CCDC15: variants seen among roughly 807,000 people sequenced by gnomAD.
CCDC15 encodes the protein coiled-coil domain containing 15, also known as coiled-coil domain-containing protein 15.
Under a neutral mutation model 114.5 loss-of-function variants are expected in CCDC15, and 105 were observed. The observed-to-expected ratio is 0.92, with a 90% CI of 0.78 to 1.08. The LOEUF is 1.08. Among genes scored for constraint, CCDC15 ranks in the 50% least tolerant of loss-of-function variants. The pLI, the probability that CCDC15 is intolerant of heterozygous loss-of-function variation, is 0.00. For synonymous variants in CCDC15, 334 were observed against 377.8 expected, an observed-to-expected ratio of 0.88 and a Z score of 1.34; for missense variants, 1,105 against 1,093.6, an observed-to-expected ratio of 1.01 and a Z score of -0.15.
chr11:125,019,744 A>G (rs1337693698), intron 13 of CCDC15, among the ~76,000 whole-genome samples: 1 of 151,990 alleles, frequency 6.6e-6, no homozygotes, highest in East Asian at 1.9e-4. Context: ...GGTGACGAGA[A>G]TAAGTTTAGT....
At position 124,989,948 on chromosome 11, in the gene CCDC15, C is replaced by G. The variant is rs117683851; in HGVS notation, c.1909-1513C>G. Among the ~76,000 whole-genome samples the G allele has an allele frequency of 4.7e-3, 723 of 152,316 alleles. 6 individuals are homozygous for G. The highest frequency in any genetic ancestry group is 0.015 in the African/African-American group (621 of 41,566). ...ATTTTGCTTTCTTATCATGTATTCACTGGAGTAGATTTTAATTTCCTTCAA... is the reference window on the plus strand; with the variant it reads ...ATTTTGCTTTCTTATCATGTATTCAGTGGAGTAGATTTTAATTTCCTTCAA... On this transcript the variant is annotated intron_variant, in intron 8 of 15. Transcript: ENST00000344762.
chr11:125,025,386 T>C (rs1948694331), intron 13 of CCDC15, among the ~76,000 whole-genome samples: 1 of 151,768 alleles, frequency 6.6e-6, no homozygotes, highest in Non-Finnish European at 1.5e-5. Flanking sequence ...AAGATATTTG[T>C]CTAATATATT....
At chr11:125,037,108 T>G (rs1481081632) in intron 13 of CCDC15, among the ~76,000 whole-genome samples, 4 of 152,186 alleles carry the variant, frequency 2.6e-5, no homozygotes, top group African/African-American at 9.6e-5. Context: ...CCCAACGTTA[T>G]GAGTTTTACC....
chr11:124,960,274 C>T (rs1452391237), intron 4 of CCDC15, among the ~76,000 whole-genome samples: 3 of 23,224 alleles, frequency 1.3e-4, no homozygotes, highest in African/African-American at 3.5e-4. Context: ...TGCAGTGAGC[C>T]GAGATTGCGC....
At position 124,987,148 on chromosome 11, in the gene CCDC15, T is replaced by C. The variant is rs1263233343; in HGVS notation, c.922T>C (p.Leu308=). The C allele has an allele frequency of 6.6e-7, 1 of 1,511,862 alleles. No homozygotes were observed. Among genetic ancestry groups the C allele is most frequent in the East Asian group, 2.3e-5 (1 of 43,926 alleles). 93.7% of individuals were successfully genotyped at this position (1,511,862 alleles called of 1,614,324 possible). ...TTAGAAAGTAAAATTCAAAAATCCATTATTTGTTCTGATGGAAGAGGAAGA... is the reference window on the plus strand; with the variant it reads ...TTAGAAAGTAAAATTCAAAAATCCACTATTTGTTCTGATGGAAGAGGAAGA... The part of the protein sequence containing the change: ...RVQKVKFKNP[L]FVLMEEEEQK... The change falls in exon 8 of 16, where the codon TTA becomes CTA. Residue 308 remains leucine (L), a synonymous_variant. Coordinates refer to ENST00000344762, the MANE Select transcript of CCDC15 (RefSeq NM_025004.3).
chr11:125,040,922 T>TACGG lies in CCDC15; in HGVS notation c.*213_*216dup, dbSNP rs1321268572. The stretch of plus-strand genomic sequence containing the variant: ...CTTCTCTCTTCTGTCTTGTGAACCA[T>TACGG]ACGGAGCCTATTATTTTAAAATATG... On this transcript the variant is annotated 3_prime_UTR_variant, in exon 16 of 16. Transcript: ENST00000344762. 9.6e-6 allele frequency: 5 copies of TACGG among 519,442 alleles called. No individual in the cohort carries two copies. The Admixed American group carries it at 1.7e-4, about 17-fold the overall frequency. 32.2% of individuals were successfully genotyped at this position (519,442 alleles called of 1,614,324 possible). A position where few individuals can be genotyped will look rare whatever the true frequency, so the allele number is the denominator to read the frequency against.
intron 11 of CCDC15, among the ~76,000 whole-genome samples, chr11:124,998,361 T>C (rs1025959501): frequency 3.3e-5 from 5 of 152,186 alleles, no homozygotes; most frequent in Non-Finnish European, 5.9e-5. Flanking sequence ...TTTTTTGTTT[T>C]CTCAGTCTTC....
chr11:125,039,459 T>C (rs1316832877), intron 15 of CCDC15: 1 of 159,910 alleles, frequency 6.3e-6, no homozygotes, highest in East Asian at 1.8e-4. Context: ...CCACATTAGA[T>C]TGCTAGTTCT....
chr11:124,989,723 C>T (rs893457226), intron 8 of CCDC15, among the ~76,000 whole-genome samples: 2 of 152,188 alleles, frequency 1.3e-5, no homozygotes, highest in African/African-American at 4.8e-5. Context: ...GTTATAGAGA[C>T]ACCTTATTTC....
intron 13 of CCDC15, among the ~76,000 whole-genome samples, chr11:125,023,495 A>T (rs1458402176): frequency 6.6e-6 from 1 of 152,058 alleles, no homozygotes; most frequent in African/African-American, 2.4e-5. Context: ...GATTTAAATT[A>T]ACATTTCTCT....
At chr11:125,040,422 TTC>T (rs1681003951) in intron 15 of CCDC15, among the ~76,000 whole-genome samples, 166 bp from the exon 16 acceptor site, 1 of 152,228 alleles carries the variant, frequency 6.6e-6, no homozygotes, top group Non-Finnish European at 1.5e-5. Flanking sequence ...TTATTATTTT[TTC>T]TGTCCTCACA....
intron 15 of CCDC15, chr11:125,039,651 TA>T (rs1445997991): frequency 2.6e-5 from 4 of 152,228 alleles, no homozygotes; most frequent in Non-Finnish European, 5.9e-5. Context: ...ACTGCCAGTA[TA>T]TATATTCCTA....
chr11:125,006,648 T>C (rs1273348808), intron 13 of CCDC15, among the ~76,000 whole-genome samples: 1 of 152,232 alleles, frequency 6.6e-6, no homozygotes, highest in African/African-American at 2.4e-5. Context: ...TTTTGTAGTT[T>C]TGCATTTTAC....
At chr11:125,015,309 T>C (rs180983554) in intron 13 of CCDC15, among the ~76,000 whole-genome samples, 33 of 152,218 alleles carry the variant, frequency 2.2e-4, no homozygotes, top group African/African-American at 7.9e-4. Context: ...AAGTTGGTTC[T>C]TTTAAAAATT....
chr11:124,986,700 T>TGTGGGTGTGTGTGC, intron 6 of CCDC15, 42 bp from the exon 7 acceptor site: 1 of 1,351,590 alleles, frequency 7.4e-7, no homozygotes, highest in South Asian at 1.5e-5. Context: ...TTTGTGTGTG[T>TGTGGGTGTGTGTGC]GCGCGCGCGC....
chr11:125,038,613 A>G lies in CCDC15; in HGVS notation c.2585+9A>G. 1 of 1,543,464 alleles carries G rather than the reference A, an allele frequency of 6.5e-7. No homozygotes were observed. The highest frequency in any genetic ancestry group is 8.7e-7 in the Non-Finnish European group (1 of 1,148,714). On this transcript the variant is annotated intron_variant, in intron 14 of 15. Transcript: ENST00000344762. Reference sequence around the variant, plus strand: ...GAAAAAGAATACCTGAGGTAATTTGAAAAGGTCTTCATGATATTTTGGCTC... The same window carrying G: ...GAAAAAGAATACCTGAGGTAATTTGGAAAGGTCTTCATGATATTTTGGCTC...
At chr11:125,009,709 G>A (rs1004073549) in intron 13 of CCDC15, among the ~76,000 whole-genome samples, 2 of 152,044 alleles carry the variant, frequency 1.3e-5, no homozygotes, top group Non-Finnish European at 2.9e-5. Context: ...TTGTGTCTAC[G>A]TGTACCTAAA....
At chr11:124,981,701 C>G (rs903745455) in intron 6 of CCDC15, among the ~76,000 whole-genome samples, 3 of 152,150 alleles carry the variant, frequency 2.0e-5, no homozygotes, top group Non-Finnish European at 4.4e-5. Flanking sequence ...CTCACTGCAG[C>G]CTCTGCCTCC....
intron 6 of CCDC15, among the ~76,000 whole-genome samples, chr11:124,982,534 C>T (rs1215647071): frequency 6.6e-6 from 1 of 152,134 alleles, no homozygotes; most frequent in Non-Finnish European, 1.5e-5. Context: ...CTTATTTCTT[C>T]TTCACTTATG....
Sources: gnomAD v4.1 joint callset for allele counts (sites outside exome capture counted in the v4.1 genomes callset) on GRCh38, gnomAD v4.1.1 for gene constraint, MANE v1.5 for transcripts, NCBI Gene and HGNC (gene_info 2026-07-23, HGNC 2026-07-21) for gene names.